The following DDI2 variants were observed in gnomAD, a reference collection of about 807,000 sequenced individuals.
DDI2 encodes DDI proteasomal shuttling factor 2.
In DDI2, 5 loss-of-function variants were observed where a neutral mutation model predicts 48.1. The observed-to-expected ratio is 0.10, with a 90% CI of 0.05 to 0.22. DDI2 has a LOEUF of 0.22. DDI2 is among the 10% of genes least tolerant of loss of function. DDI2 has a pLI of 1.00. For synonymous variants in DDI2, 205 were observed against 183.6 expected, an observed-to-expected ratio of 1.12 and a Z score of -0.94; for missense variants, 285 against 506.2, an observed-to-expected ratio of 0.56 and a Z score of 4.19.
At chr1:15,631,168 G>C (rs1210738536) in intron 3 of DDI2, among the ~76,000 whole-genome samples, 1 of 151,762 alleles carries the variant, frequency 6.6e-6, no homozygotes, top group African/African-American at 2.4e-5. Flanking sequence ...ACCTTAGTTA[G>C]ATCTTCAATT....
At chr1:15,632,089 C>G (rs2103466048) in intron 3 of DDI2, among the ~76,000 whole-genome samples, 1 of 152,134 alleles carries the variant, frequency 6.6e-6, no homozygotes, top group South Asian at 2.1e-4. Context: ...CAGGCGTGAG[C>G]CACCACTCCC....
Position 15,668,511 on chromosome 1 carries a change from C to G in DDI2, c.*8721C>G, listed in dbSNP as rs1457856100. On this transcript the variant is annotated 3_prime_UTR_variant, in exon 10 of 10. Coordinates refer to ENST00000480945, the MANE Select transcript of DDI2 (RefSeq NM_032341.5). ...TGTTCATTTTTATTTCAAATCTCTT[C>G]ATGGCAAGTTGGGCTAATGGACTTT... 1 of 152,182 alleles carries G rather than the reference C, an allele frequency of 6.6e-6. No homozygotes were observed. Among genetic ancestry groups the G allele is most frequent in the Non-Finnish European group, 1.5e-5 (1 of 68,034 alleles). 9.4% of individuals were successfully genotyped at this position (152,182 alleles called of 1,614,324 possible). A position where few individuals can be genotyped will look rare whatever the true frequency, so the allele number is the denominator to read the frequency against.
chr1:15,648,471 T>C (rs2103476056), intron 6 of DDI2, among the ~76,000 whole-genome samples: 1 of 152,336 alleles, frequency 6.6e-6, no homozygotes, highest in South Asian at 2.1e-4. Context: ...CTGGTAGATT[T>C]TTTGTGAGAC....
intron 4 of DDI2, 135 bp from the exon 5 acceptor site, chr1:15,638,172 A>G: frequency 7.9e-7 from 1 of 1,267,664 alleles, no homozygotes. Flanking sequence ...ATATAGCACC[A>G]ATTTTTCTAT....
chr1:15,654,937 C>CTTTTTTTTTT, intron 8 of DDI2, among the ~76,000 whole-genome samples: 1 of 140,672 alleles, frequency 7.1e-6, no homozygotes, highest in African/African-American at 2.6e-5. Context: ...TATGAAATGT[C>CTTTTTTTTTT]TTTTTTTTTT....
intron 7 of DDI2, among the ~76,000 whole-genome samples, chr1:15,650,941 G>A (rs1055684246): frequency 6.6e-6 from 1 of 152,022 alleles, no homozygotes; most frequent in Non-Finnish European, 1.5e-5. Context: ...TGCAAGCTTC[G>A]CCTCCTGGGT....
intron 6 of DDI2, among the ~76,000 whole-genome samples, chr1:15,648,706 A>G (rs1640128513): frequency 6.6e-6 from 1 of 152,064 alleles, no homozygotes; most frequent in African/African-American, 2.4e-5. Flanking sequence ...GGAGAAATGA[A>G]TTAGAAATCG....
rs765937495 is a variant in DDI2 at position 15,617,640 on chromosome 1, G to A, written c.-31G>A. The A allele has an allele frequency of 8.0e-6, 11 of 1,369,330 alleles. No homozygotes were observed. The highest frequency in any genetic ancestry group is 1.0e-5 in the Non-Finnish European group (11 of 1,049,054). 84.8% of individuals were successfully genotyped at this position (1,369,330 alleles called of 1,614,324 possible). A position where few individuals can be genotyped will look rare whatever the true frequency, so the allele number is the denominator to read the frequency against. On this transcript the variant is annotated 5_prime_UTR_variant, in exon 1 of 10. Coordinates refer to ENST00000480945, the MANE Select transcript of DDI2 (RefSeq NM_032341.5). ...CTGCGCCCCGCGCCCAGGCCGGGCC[G>A]AGCCGAGCCGAGCCGGGTCGGGCCC...
rs1255175967 is a variant in DDI2 at position 15,661,162 on chromosome 1, A to G, written c.*1372A>G. ...AGTGGAGACAGAAAAATTAACAGGT[A>G]CTTCATCTGACACTGGAAGAGAAGC... On this transcript the variant is annotated 3_prime_UTR_variant, in exon 10 of 10. Coordinates refer to ENST00000480945, the MANE Select transcript of DDI2 (RefSeq NM_032341.5). 2.5e-6 allele frequency: 4 copies of G among 1,614,128 alleles called. No individual in the cohort carries two copies. In the Admixed American group the frequency reaches 6.7e-5, roughly 27 times the overall value.
At chr1:15,651,603 G>A in intron 7 of DDI2, 103 bp from the exon 8 acceptor site, 2 of 1,112,416 alleles carry the variant, frequency 1.8e-6, no homozygotes, top group Non-Finnish European at 2.5e-6. Context: ...ACAGGCATGA[G>A]TCACCGTGCC....
At position 15,660,410 on chromosome 1, in the gene DDI2, A is replaced by T. The variant is rs1640348668; in HGVS notation, c.*620A>T. ...AATGAACAGTATGAGGTTGCACAACAAAAAGCTTCACATGACCAAGAATAT... is the reference window on the plus strand; with the variant it reads ...AATGAACAGTATGAGGTTGCACAACTAAAAGCTTCACATGACCAAGAATAT... On this transcript the variant is annotated 3_prime_UTR_variant, in exon 10 of 10. Coordinates refer to ENST00000480945, the MANE Select transcript of DDI2 (RefSeq NM_032341.5). 1.2e-6 allele frequency: 2 copies of T among 1,613,872 alleles called. No homozygotes were observed. Among genetic ancestry groups the T allele is most frequent in the African/African-American group, 1.3e-5 (1 of 74,906 alleles).
At chr1:15,650,838 A>G (rs1027801513) in intron 7 of DDI2, among the ~76,000 whole-genome samples, 8 of 152,136 alleles carry the variant, frequency 5.3e-5, no homozygotes, top group African/African-American at 1.9e-4. Context: ...ATAATAAGAC[A>G]CAGCATTCTA....
intron 1 of DDI2, among the ~76,000 whole-genome samples, chr1:15,618,676 A>C (rs1457147310): frequency 6.6e-6 from 1 of 152,210 alleles, no homozygotes; most frequent in South Asian, 2.1e-4. Context: ...GTAATTCTCA[A>C]AATGCTTTGG....
intron 4 of DDI2, among the ~76,000 whole-genome samples, chr1:15,634,537 A>ATTTTTTTTTTTTT (rs1180726984): frequency 5.2e-5 from 2 of 38,512 alleles, no homozygotes; most frequent in African/African-American, 2.2e-4. Flanking sequence ...TATTCTTTTT[A>ATTTTTTTTTTTTT]TCTTTTTTTT....
intron 5 of DDI2, among the ~76,000 whole-genome samples, chr1:15,642,956 A>C (rs1640033161): frequency 6.6e-6 from 1 of 152,202 alleles, no homozygotes; most frequent in South Asian, 2.1e-4. Flanking sequence ...AGTCGCAGCT[A>C]CTTGGGAGGC....
intron 3 of DDI2, among the ~76,000 whole-genome samples, chr1:15,631,866 C>T (rs151190228): frequency 0.033 from 4,969 of 151,550 alleles, 97 homozygotes; most frequent in Middle Eastern, 0.051. Flanking sequence ...AGTGCAGTGG[C>T]GCGATCTCTG....
intron 5 of DDI2, among the ~76,000 whole-genome samples, chr1:15,639,259 T>A (rs1639970756): frequency 1.3e-5 from 2 of 152,020 alleles, no homozygotes; most frequent in African/African-American, 4.8e-5. Context: ...CCATGCAGCA[T>A]TTTGTGGGTG....
intron 4 of DDI2, among the ~76,000 whole-genome samples, chr1:15,636,141 TTTTG>T (rs1639923176): frequency 6.6e-6 from 1 of 152,136 alleles, no homozygotes; most frequent in South Asian, 2.1e-4. Flanking sequence ...GCAGAGTTTT[TTTTG>T]TTTGTTTTGA....
chr1:15,628,442 C>A (rs1309708078), intron 2 of DDI2, among the ~76,000 whole-genome samples: 1 of 152,128 alleles, frequency 6.6e-6, no homozygotes, highest in African/African-American at 2.4e-5. Flanking sequence ...AGACTTGAGA[C>A]AAGTTTGTTT....
Sources: allele counts gnomAD v4.1 joint callset (sites outside exome capture counted in the v4.1 genomes callset), GRCh38; gene constraint gnomAD v4.1.1; transcripts MANE v1.5; gene names NCBI Gene and HGNC (gene_info 2026-07-23, HGNC 2026-07-21).